Variants in GRIK4 observed in about 807,000 individuals in gnomAD.
The protein encoded by GRIK4 is glutamate receptor ionotropic, kainate 4.
Under a neutral mutation model 104.9 loss-of-function variants are expected in GRIK4, and 40 were observed. The ratio of observed to expected loss-of-function variants is 0.38; its 90% CI spans 0.30 to 0.50. The LOEUF (loss-of-function observed/expected upper bound fraction) is 0.50. Among genes scored for constraint, GRIK4 ranks in the 20% least tolerant of loss-of-function variants. The pLI is 0.93. For synonymous variants in GRIK4, 485 were observed against 524.9 expected, an observed-to-expected ratio of 0.92 and a Z score of 1.04; for missense variants, 1,047 against 1,308.1, an observed-to-expected ratio of 0.80 and a Z score of 3.08.
intron 1 of GRIK4, among the ~76,000 whole-genome samples, chr11:120,619,141 C>A (rs1342974539): frequency 1.3e-5 from 2 of 152,156 alleles, no homozygotes; most frequent in African/African-American, 4.8e-5. Context: ...GGGAGCCCAC[C>A]CCTTGCACTA....
intron 1 of GRIK4, among the ~76,000 whole-genome samples, chr11:120,564,266 G>C (rs1948278889): frequency 1.3e-5 from 2 of 152,258 alleles, no homozygotes; most frequent in Admixed American, 1.3e-4. Flanking sequence ...TGCTCTCATT[G>C]AAGCGCCGGA....
intron 3 of GRIK4, among the ~76,000 whole-genome samples, chr11:120,721,507 G>C (rs1950933284): frequency 6.6e-6 from 1 of 152,264 alleles, no homozygotes; most frequent in South Asian, 2.1e-4. Context: ...CACATGGGAG[G>C]TCCTGGGATC....
intron 11 of GRIK4, among the ~76,000 whole-genome samples, chr11:120,877,904 A>G (rs531099805): frequency 5.3e-5 from 8 of 152,152 alleles, no homozygotes; most frequent in Admixed American, 1.3e-4. Context: ...CTCCATCAAG[A>G]GACACCTGCA....
In GRIK4 at chr11:120,740,386, G is replaced by A. The variant is rs909658363; in HGVS notation, c.83-62307G>A. On this transcript the variant is annotated intron_variant, in intron 3 of 20. Coordinates refer to ENST00000527524, the MANE Select transcript of GRIK4 (RefSeq NM_014619.5). Reference sequence around the variant, plus strand: ...CCCAGCCCCTCCTTCCCTCACCCCCGCATGAGTGGCAGAGCCTTCAGCTAG... The same window carrying A: ...CCCAGCCCCTCCTTCCCTCACCCCCACATGAGTGGCAGAGCCTTCAGCTAG... 2.6e-5 allele frequency among the ~76,000 whole-genome samples: 4 copies of A among 152,112 alleles called. No homozygotes were observed. In the East Asian group the frequency reaches 5.8e-4, roughly 22 times the overall value.
rs558380683 is a variant in GRIK4, at chr11:120,819,204, G to A, written c.346-551G>A. Among the ~76,000 whole-genome samples, 56 of 152,272 alleles carry A rather than the reference G, an allele frequency of 3.7e-4. No individual in the cohort carries two copies. The highest frequency in any genetic ancestry group is 8.3e-4 in the South Asian group (4 of 4,820). ...TCCATGTGCGCATGTGTGTCTGTGC[G>A]GGAGCCCATCCCCGCCCCACTTCCT... On this transcript the variant is annotated intron_variant, in intron 5 of 20. Coordinates refer to ENST00000527524, the MANE Select transcript of GRIK4 (RefSeq NM_014619.5). The surrounding 1 kb of genome is among the most constrained non-coding windows in gnomAD (Gnocchi z 4.3).
At chr11:120,622,819 C>T (rs1378939609) in intron 1 of GRIK4, among the ~76,000 whole-genome samples, 1 of 152,210 alleles carries the variant, frequency 6.6e-6, no homozygotes, top group East Asian at 1.9e-4. Flanking sequence ...GTCTCTGCCT[C>T]TGTGGTCACG....
intron 3 of GRIK4, among the ~76,000 whole-genome samples, chr11:120,781,938 G>A (rs946623384): frequency 3.3e-5 from 5 of 152,034 alleles, no homozygotes; most frequent in African/African-American, 1.2e-4. Context: ...GCCGCTGAAC[G>A]CCAGTGGCTG....
At chr11:120,520,906 G>T (rs887774507) in intron 1 of GRIK4, among the ~76,000 whole-genome samples, 1 of 152,144 alleles carries the variant, frequency 6.6e-6, no homozygotes, top group Non-Finnish European at 1.5e-5. Context: ...GATGGAAACT[G>T]GAACATCTCT....
At chr11:120,723,146 C>T (rs1463072801) in intron 3 of GRIK4, among the ~76,000 whole-genome samples, 1 of 152,162 alleles carries the variant, frequency 6.6e-6, no homozygotes, top group Non-Finnish European at 1.5e-5. Flanking sequence ...GGTTTTATGT[C>T]AATGTCTCTC....
At chr11:120,764,543 G>A (rs1363826518) in intron 3 of GRIK4, among the ~76,000 whole-genome samples, 1 of 151,814 alleles carries the variant, frequency 6.6e-6, no homozygotes. Flanking sequence ...TAGTGTTGAT[G>A]GGCTTTACAT....
At chr11:120,730,727 T>C (rs542867293) in intron 3 of GRIK4, among the ~76,000 whole-genome samples, 6 of 152,214 alleles carry the variant, frequency 3.9e-5, no homozygotes, top group Non-Finnish European at 7.3e-5. Flanking sequence ...TTTGGTGTCC[T>C]CTTTAATTTC....
chr11:120,795,904 T>A (rs1259977451), intron 3 of GRIK4, among the ~76,000 whole-genome samples: 1 of 152,222 alleles, frequency 6.6e-6, no homozygotes, highest in East Asian at 1.9e-4. Flanking sequence ...TCCTCCCATA[T>A]GCTTTAAATC....
At chr11:120,512,895 C>T (rs1406465999) in intron 1 of GRIK4, among the ~76,000 whole-genome samples, 1 of 152,172 alleles carries the variant, frequency 6.6e-6, no homozygotes, top group Non-Finnish European at 1.5e-5. Flanking sequence ...GGGGGCTGGG[C>T]CCCGGGCGCC....
chr11:120,946,704 ACT>A (rs1943869036), intron 14 of GRIK4, among the ~76,000 whole-genome samples: 1 of 152,058 alleles, frequency 6.6e-6, no homozygotes. Context: ...AAATTCTGAA[ACT>A]CTGTGAGCCC....
intron 1 of GRIK4, among the ~76,000 whole-genome samples, chr11:120,629,001 A>C (rs1949297884): frequency 6.6e-6 from 1 of 152,064 alleles, no homozygotes; most frequent in Non-Finnish European, 1.5e-5. Flanking sequence ...AGGGAGATGA[A>C]ATCACCACCG....
At chr11:120,771,263 C>T (rs1951936465) in intron 3 of GRIK4, among the ~76,000 whole-genome samples, 1 of 152,012 alleles carries the variant, frequency 6.6e-6, no homozygotes, top group Non-Finnish European at 1.5e-5. Context: ...AGAGGCCATC[C>T]CAATGAAATT....
In GRIK4 at chr11:120,862,100, G is replaced by GTGCC; in HGVS notation, c.887_890dup (p.Phe298AlafsTer14). On this transcript the variant is annotated frameshift_variant, in exon 9 of 21. Transcript: ENST00000527524. LOFTEE classifies it high-confidence loss of function. ...GTCCTGGCAGGAGAACTGTGACCAT[G>GTGCC]TGCCCTTCACTGGGCCTGCGGTAAG... is the stretch of plus-strand genomic sequence containing the variant. 2 of 1,614,062 alleles carry GTGCC rather than the reference G, an allele frequency of 1.2e-6. No individual in the cohort carries two copies. Among genetic ancestry groups the GTGCC allele is most frequent in the Non-Finnish European group, 1.7e-6 (2 of 1,179,978 alleles).
At chr11:120,641,377 A>C (rs1166744557) in intron 1 of GRIK4, among the ~76,000 whole-genome samples, 1 of 152,164 alleles carries the variant, frequency 6.6e-6, no homozygotes, top group Admixed American at 6.5e-5. Context: ...AAAAGTTAAA[A>C]AAAAAAAAAC....
rs1012678666 is a variant in GRIK4 at position 120,952,334 on chromosome 11, T to C, written c.1591-521T>C. On this transcript the variant is annotated intron_variant, in intron 14 of 20. Transcript: ENST00000527524. The surrounding 1 kb of genome is among the most constrained non-coding windows in gnomAD (Gnocchi z 5.2). ...TCACTTGTAAAATGAGAATAATAAT[T>C]TGTGCCTCCCAGGACTGTTTTGAGG... 6.6e-6 allele frequency among the ~76,000 whole-genome samples: 1 copy of C among 152,126 alleles called. No individual in the cohort carries two copies. The highest frequency in any genetic ancestry group is 2.4e-5 in the African/African-American group (1 of 41,416).
Sources: allele counts gnomAD v4.1 joint callset (sites outside exome capture counted in the v4.1 genomes callset), GRCh38; gene constraint gnomAD v4.1.1; non-coding constraint Gnocchi (gnomAD v3.1); transcripts MANE v1.5; gene names NCBI Gene and HGNC (gene_info 2026-07-23, HGNC 2026-07-21).